The following SLC24A4 variants were observed in gnomAD, a reference collection of about 807,000 sequenced individuals.
SLC24A4 encodes the protein solute carrier family 24 member 4, also known as sodium/potassium/calcium exchanger 4.
Under a neutral mutation model 79.0 loss-of-function variants are expected in SLC24A4, and 53 were observed. That is an observed-to-expected ratio of 0.67 (90% CI 0.54 to 0.84). The LOEUF (loss-of-function observed/expected upper bound fraction) is 0.84, where lower values mean the gene tolerates loss of function less well. SLC24A4 is among the 40% of genes least tolerant of loss of function. SLC24A4 has a pLI of 0.00. For missense variants in SLC24A4, 731 were observed against 822.0 expected (o/e 0.89, Z 1.35); for synonymous variants, 323 against 323.8 (o/e 1.00, Z 0.03).
At chr14:92,426,489 A>G (rs1431333948) in intron 2 of SLC24A4, among the ~76,000 whole-genome samples, 3 of 152,194 alleles carry the variant, frequency 2.0e-5, no homozygotes, top group Admixed American at 6.5e-5. Context: ...TAGAAATTCT[A>G]TAGTGGTTGC....
At chr14:92,426,720 A>C (rs2139771886) in intron 2 of SLC24A4, among the ~76,000 whole-genome samples, 1 of 151,182 alleles carries the variant, frequency 6.6e-6, no homozygotes, top group Non-Finnish European at 1.5e-5. Flanking sequence ...GAAAGGCATA[A>C]AATTCTTAGC....
At chr14:92,328,165 G>A (rs1012950842) in intron 2 of SLC24A4, among the ~76,000 whole-genome samples, 1 of 152,200 alleles carries the variant, frequency 6.6e-6, no homozygotes, top group Non-Finnish European at 1.5e-5. Context: ...GGGGTCTGTG[G>A]CCAGCCTTCC....
chr14:92,346,159 T>C lies in SLC24A4; in HGVS notation c.241+20181T>C, dbSNP rs149880847. Among the ~76,000 whole-genome samples the C allele has an allele frequency of 2.8e-3, 419 of 152,308 alleles. 3 individuals are homozygous for C. The highest frequency in any genetic ancestry group is 9.6e-3 in the African/African-American group (400 of 41,574). On this transcript the variant is annotated intron_variant, in intron 2 of 16. Transcript: ENST00000532405. ...ACAGCAAGGAGGCTGGTGTGACTGA[T>C]ACAGACTGAACTCATTGAAACATTT...
chr14:92,356,272 G>A (rs755554716), intron 2 of SLC24A4, among the ~76,000 whole-genome samples: 30 of 152,266 alleles, frequency 2.0e-4, no homozygotes, highest in East Asian at 7.7e-4. Flanking sequence ...TGTATTTATC[G>A]AGATGTGACC....
intron 2 of SLC24A4, among the ~76,000 whole-genome samples, chr14:92,330,890 A>G (rs1222616823): frequency 1.3e-5 from 2 of 152,164 alleles, no homozygotes; most frequent in East Asian, 3.8e-4. Context: ...CAAACTGTGA[A>G]TTTGCAGGGG....
intron 2 of SLC24A4, among the ~76,000 whole-genome samples, chr14:92,368,419 T>C (rs528916769): frequency 1.2e-4 from 19 of 152,272 alleles, no homozygotes; most frequent in Non-Finnish European, 2.1e-4. Flanking sequence ...TATCAGTCTT[T>C]GGAGACATCT....
intron 2 of SLC24A4, among the ~76,000 whole-genome samples, chr14:92,366,583 C>G (rs2141677480): frequency 6.6e-6 from 1 of 152,270 alleles, no homozygotes; most frequent in Admixed American, 6.5e-5. Context: ...GGTGGAATCT[C>G]CCTGCCCTGA....
chr14:92,462,198 G>A (rs1298089308), intron 12 of SLC24A4: 2 of 152,218 alleles, frequency 1.3e-5, no homozygotes, highest in African/African-American at 4.8e-5. Context: ...CCAGCCCAGA[G>A]CTGTCATGAA....
intron 2 of SLC24A4, among the ~76,000 whole-genome samples, chr14:92,331,374 T>C (rs1043679772): frequency 6.6e-6 from 1 of 152,150 alleles, no homozygotes; most frequent in African/African-American, 2.4e-5. Flanking sequence ...GTCTCGACCT[T>C]CCAGGCTCAA....
chr14:92,463,113 C>G (rs569868777), intron 12 of SLC24A4, among the ~76,000 whole-genome samples: 4 of 152,102 alleles, frequency 2.6e-5, no homozygotes, highest in Non-Finnish European at 4.4e-5. Context: ...TACCACCCAG[C>G]CTTCTCTTCT....
intron 1 of SLC24A4, 44 bp from the exon 2 acceptor site, chr14:92,325,824 A>G (rs1221047140): frequency 1.6e-6 from 2 of 1,251,786 alleles, no homozygotes; most frequent in Non-Finnish European, 2.3e-6. Flanking sequence ...AAACGCAGCC[A>G]TCACACTGAC....
intron 2 of SLC24A4, among the ~76,000 whole-genome samples, chr14:92,430,727 A>G (rs1286176903): frequency 6.6e-6 from 1 of 152,096 alleles, no homozygotes; most frequent in African/African-American, 2.4e-5. Context: ...CCTTCACTCC[A>G]TGTCCCCAGG....
intron 2 of SLC24A4, among the ~76,000 whole-genome samples, chr14:92,397,657 G>T (rs977508402): frequency 2.0e-5 from 3 of 152,198 alleles, no homozygotes; most frequent in Non-Finnish European, 4.4e-5. Flanking sequence ...GATGTGGCCA[G>T]TGTGAGAGCA....
chr14:92,452,525 C>A (rs1321999794), intron 10 of SLC24A4: 1 of 152,220 alleles, frequency 6.6e-6, no homozygotes, highest in Non-Finnish European at 1.5e-5. Flanking sequence ...CAGCACATAA[C>A]CCCTGGCATC....
chr14:92,442,547 A>G (rs1416569859), intron 5 of SLC24A4, among the ~76,000 whole-genome samples, 166 bp from the exon 6 acceptor site: 4 of 152,166 alleles, frequency 2.6e-5, no homozygotes, highest in African/African-American at 9.7e-5. Context: ...CCCTGGTGGC[A>G]TTTCCACCTC....
intron 2 of SLC24A4, among the ~76,000 whole-genome samples, chr14:92,385,223 C>T (rs897126494): frequency 6.6e-6 from 1 of 152,164 alleles, no homozygotes; most frequent in East Asian, 1.9e-4. Flanking sequence ...AAAAATCATG[C>T]CGGCCAGGCG....
At chr14:92,371,211 T>C (rs1489475435) in intron 2 of SLC24A4, among the ~76,000 whole-genome samples, 1 of 152,212 alleles carries the variant, frequency 6.6e-6, no homozygotes, top group Non-Finnish European at 1.5e-5. Flanking sequence ...AAAGAGAGCT[T>C]CCTGGATAAC....
chr14:92,485,739 A>G (rs1043452925), intron 13 of SLC24A4, among the ~76,000 whole-genome samples: 3 of 152,198 alleles, frequency 2.0e-5, no homozygotes, highest in African/African-American at 7.2e-5. Context: ...AATATGTGAA[A>G]TTCTTCTCTA....
At chr14:92,408,362 A>G in intron 2 of SLC24A4, 1 of 985,064 alleles carries the variant, frequency 1.0e-6, no homozygotes, top group Non-Finnish European at 1.2e-6. Context: ...TTACTTGACC[A>G]TCCCAGAATA....
Sources: gnomAD v4.1 joint callset for allele counts (sites outside exome capture counted in the v4.1 genomes callset) on GRCh38, gnomAD v4.1.1 for gene constraint, MANE v1.5 for transcripts, NCBI Gene and HGNC (gene_info 2026-07-23, HGNC 2026-07-21) for gene names.